The following PPIL3 variants were observed in gnomAD, a reference collection of about 807,000 sequenced individuals.
PPIL3 encodes the protein peptidylprolyl isomerase like 3, also known as peptidyl-prolyl cis-trans isomerase-like 3.
PPIL3 carries 13 observed loss-of-function variants against 20.9 expected under a neutral mutation model. The observed-to-expected ratio is 0.62, with a 90% CI of 0.40 to 0.99. The LOEUF (loss-of-function observed/expected upper bound fraction) is 0.99, where lower values mean the gene tolerates loss of function less well. Ranked by LOEUF, PPIL3 falls within the 50% of genes least tolerant of loss-of-function variation. The pLI is 0.00. For synonymous variants in PPIL3, 71 were observed against 64.4 expected (o/e 1.10, Z -0.49); for missense variants, 170 against 195.2 (o/e 0.87, Z 0.77).
chr2:200,880,409 C>CTTTTTTTTTTTT (rs779189285), intron 5 of PPIL3, among the ~76,000 whole-genome samples: 11 of 131,880 alleles, frequency 8.3e-5, no homozygotes, highest in African/African-American at 2.8e-4. Context: ...ATTGAGTAGA[C>CTTTTTTTTTTTT]TTTTTTTTTT....
At chr2:200,886,928 G>C (rs900606771) in intron 2 of PPIL3, 5 of 152,292 alleles carry the variant, frequency 3.3e-5, no homozygotes, top group African/African-American at 1.2e-4. Context: ...GCCTCCCAAA[G>C]TGCTGGGATC....
intron 5 of PPIL3, chr2:200,877,646 A>T (rs976479600): frequency 6.6e-6 from 1 of 152,262 alleles, no homozygotes; most frequent in Non-Finnish European, 1.5e-5. Context: ...GGGTCTATTT[A>T]TAACTCAGAT....
intron 1 of PPIL3, chr2:200,888,260 TATACTC>T (rs1288479570): frequency 1.3e-5 from 2 of 152,006 alleles, no homozygotes; most frequent in African/African-American, 2.4e-5. Flanking sequence ...CTGGAATTCT[TATACTC>T]AGACATCTCT....
At chr2:200,881,270 T>A in intron 5 of PPIL3, 151 bp downstream of exon 5, 1 of 613,598 alleles carries the variant, frequency 1.6e-6, no homozygotes, top group Non-Finnish European at 2.7e-6. Context: ...TTCTCAAGTC[T>A]CCCCGACATC....
chr2:200,881,607 A>G lies in PPIL3; in HGVS notation c.173-119T>C, dbSNP rs2039728357. On this transcript the variant is annotated intron_variant, in intron 4 of 6. Transcript: ENST00000392283. ...TGCTTAAATATAGATAAAATTTGAT[A>G]TGGCCTTTCCTAATTCCCCAAATTT... 3 of 771,086 alleles carry G rather than the reference A, an allele frequency of 3.9e-6. No homozygotes were observed. In the South Asian group the frequency reaches 6.0e-5, roughly 15 times the overall value. The allele number at this position is 771,086 out of a possible 1,614,324, so 47.8% of individuals were successfully genotyped here. A position where few individuals can be genotyped will look rare whatever the true frequency, so the allele number is the denominator to read the frequency against.
chr2:200,885,243 C>T lies in PPIL3; in HGVS notation c.78+455G>A, dbSNP rs570421265. 613 of 282,112 alleles carry T rather than the reference C, an allele frequency of 2.2e-3. 3 individuals are homozygous for T. The highest frequency in any genetic ancestry group is 4.3e-3 in the African/African-American group (186 of 43,644). 17.5% of individuals were successfully genotyped at this position (282,112 alleles called of 1,614,324 possible). ...AAAATTAGCCAGGCATGGTGGCGCA[C>T]GCCTGTAATCCCACTTACTCGGGAG... On this transcript the variant is annotated intron_variant, in intron 3 of 6. Coordinates refer to ENST00000392283, the MANE Select transcript of PPIL3 (RefSeq NM_130906.3).
chr2:200,883,722 A>ATC (rs923430098), intron 3 of PPIL3, among the ~76,000 whole-genome samples: 4 of 152,160 alleles, frequency 2.6e-5, no homozygotes, highest in African/African-American at 9.7e-5. Flanking sequence ...TCATCACTGT[A>ATC]TCTCCAGACT....
intron 6 of PPIL3, among the ~76,000 whole-genome samples, chr2:200,875,426 C>T (rs990593981): frequency 3.9e-5 from 6 of 152,072 alleles, no homozygotes; most frequent in Non-Finnish European, 4.4e-5. Context: ...CACCACCGCA[C>T]CCAGCTAATT....
chr2:200,881,772 T>C (rs1204551060), intron 4 of PPIL3: 1 of 413,054 alleles, frequency 2.4e-6, no homozygotes, highest in African/African-American at 2.0e-5. Flanking sequence ...GCCACACTAA[T>C]CTTCTCTGTA....
chr2:200,877,423 T>G (rs1370541302), intron 5 of PPIL3: 1 of 157,302 alleles, frequency 6.4e-6, no homozygotes, highest in South Asian at 2.0e-4. Context: ...CTCAATTAAT[T>G]TCATTTTCAC....
chr2:200,875,920 T>G (rs954036726), intron 6 of PPIL3, among the ~76,000 whole-genome samples: 1 of 152,086 alleles, frequency 6.6e-6, no homozygotes, highest in Admixed American at 6.6e-5. Context: ...TTCCTCCCCT[T>G]TCCTCCCTGA....
At chr2:200,872,322 T>A (rs1157142063) in intron 6 of PPIL3, among the ~76,000 whole-genome samples, 1 of 152,126 alleles carries the variant, frequency 6.6e-6, no homozygotes, top group Non-Finnish European at 1.5e-5. Flanking sequence ...TTCCATGCTC[T>A]TCTCGGGGTG....
chr2:200,885,535 G>A (rs1002247469), intron 3 of PPIL3, 163 bp downstream of exon 3: 3 of 596,824 alleles, frequency 5.0e-6, no homozygotes, highest in Admixed American at 3.5e-5. Flanking sequence ...CTTTGACATT[G>A]GACAAATAAG....
At chr2:200,885,396 A>G in intron 3 of PPIL3, 1 of 336,132 alleles carries the variant, frequency 3.0e-6, no homozygotes, top group Non-Finnish European at 5.2e-6. Flanking sequence ...TAAATAAATA[A>G]AAAAAAAGAA....
chr2:200,874,018 A>G (rs912569043), intron 6 of PPIL3, among the ~76,000 whole-genome samples: 15 of 151,276 alleles, frequency 9.9e-5, no homozygotes, highest in Non-Finnish European at 1.9e-4. Context: ...ATCCTGGCTA[A>G]CATGGTGAAA....
In PPIL3 at chr2:200,887,524, C is replaced by A. The variant is rs1575120546; in HGVS notation, c.3+89G>T. The A allele has an allele frequency of 3.1e-6, 3 of 958,804 alleles. No homozygotes were observed. In the East Asian group the frequency reaches 7.4e-5, roughly 24 times the overall value. The allele number at this position is 958,804 out of a possible 1,614,324, so 59.4% of individuals were successfully genotyped here. ...ATACAATTTCTCCATCTTGCCACTG[C>A]AATTTCCATGAACTTTTATTGCCCT... is the stretch of plus-strand genomic sequence containing the variant. On this transcript the variant is annotated intron_variant, in intron 2 of 6. Coordinates refer to ENST00000392283, the MANE Select transcript of PPIL3 (RefSeq NM_130906.3).
rs2039909702 is a variant in PPIL3, at chr2:200,885,705, G to A, written c.71C>T (p.Thr24Ile). 1 of 1,557,728 alleles carries A rather than the reference G, an allele frequency of 6.4e-7. No homozygotes were observed. Among genetic ancestry groups the A allele is most frequent in the Admixed American group, 1.7e-5 (1 of 58,824 alleles). ...GTAAATAATAGTACTTACCTCACATGTTTTGGGTGTCCTCTCACAGAAGAC... is the reference window on the plus strand; with the variant it reads ...GTAAATAATAGTACTTACCTCACATATTTTGGGTGTCCTCTCACAGAAGAC... ...IEVFCERTPK[T>I]CENFLALCAS... Residue 24 changes from threonine (T) to isoleucine (I), a missense_variant, in exon 3 of 7, where the codon ACA (threonine) becomes ATA (isoleucine). By Grantham distance (89) the Thr-to-Ile change is moderately conservative. Transcript: ENST00000392283.
rs750529192 is a variant in PPIL3, at chr2:200,877,022, C to T, written c.256G>A (p.Val86Ile). ...GGGCCATTATTAGCCATAGATACAA[C>T]ACCTCTAACATTGTGCTGAAAAAGA... is the stretch of plus-strand genomic sequence containing the variant. The part of the protein sequence containing the change: ...SEYLKHNVRG[V>I]VSMANNGPNT... Residue 86 changes from valine to isoleucine, a missense_variant, in exon 6 of 7, where the codon GTT becomes ATT. Coordinates refer to ENST00000392283, the MANE Select transcript of PPIL3 (RefSeq NM_130906.3). The T allele has an allele frequency of 1.9e-6, 3 of 1,606,276 alleles. No individual in the cohort carries two copies. The highest frequency in any genetic ancestry group is 2.2e-5 in the South Asian group (2 of 90,890).
Position 200,889,047 on chromosome 2 carries a change from T to C in PPIL3, c.-162A>G, listed in dbSNP as rs950246619. 12 of 471,058 alleles carry C rather than the reference T, an allele frequency of 2.5e-5. No individual in the cohort carries two copies. Among genetic ancestry groups the C allele is most frequent in the African/African-American group, 8.0e-5 (4 of 50,098 alleles). 29.2% of individuals were successfully genotyped at this position (471,058 alleles called of 1,614,324 possible). A position where few individuals can be genotyped will look rare whatever the true frequency, so the allele number is the denominator to read the frequency against. Reference sequence around the variant, plus strand: ...GCAGAGGTCTGTTGGTTCAAAATTATAGTTTCTTTGGGCCAGCGGAAGTTG... The same window carrying C: ...GCAGAGGTCTGTTGGTTCAAAATTACAGTTTCTTTGGGCCAGCGGAAGTTG... On this transcript the variant is annotated 5_prime_UTR_variant, in exon 1 of 7. Transcript: ENST00000392283.
Sources: gnomAD v4.1 joint callset for allele counts (sites outside exome capture counted in the v4.1 genomes callset) on GRCh38, gnomAD v4.1.1 for gene constraint, MANE v1.5 for transcripts, NCBI Gene and HGNC (gene_info 2026-07-23, HGNC 2026-07-21) for gene names.